The following ZCCHC7 variants were observed in gnomAD, a reference collection of about 807,000 sequenced individuals.
ZCCHC7 encodes the protein zinc finger CCHC-type containing 7.
ZCCHC7 carries 35 observed loss-of-function variants against 52.0 expected under a neutral mutation model. The observed-to-expected ratio is 0.67, with a 90% CI of 0.51 to 0.89. ZCCHC7 has a LOEUF of 0.89. Ranked by LOEUF, ZCCHC7 falls within the 40% of genes least tolerant of loss-of-function variation. The pLI is 0.00. For missense variants in ZCCHC7, 574 were observed against 649.1 expected (o/e 0.88, Z 1.26); for synonymous variants, 217 against 221.5 (o/e 0.98, Z 0.18).
At chr9:37,240,708 A>C (rs1465747643) in intron 2 of ZCCHC7, among the ~76,000 whole-genome samples, 3 of 151,974 alleles carry the variant, frequency 2.0e-5, no homozygotes, top group Non-Finnish European at 4.4e-5. Context: ...GAAAAGAAGC[A>C]GCAGGAGTAG....
chr9:37,227,205 G>GA (rs567614705), intron 2 of ZCCHC7, among the ~76,000 whole-genome samples: 97 of 152,124 alleles, frequency 6.4e-4, no homozygotes, highest in African/African-American at 1.8e-3. Context: ...CACAGACCTG[G>GA]AAAAAATATT....
At chr9:37,352,059 A>G (rs1474986046) in intron 7 of ZCCHC7, among the ~76,000 whole-genome samples, 1 of 152,240 alleles carries the variant, frequency 6.6e-6, no homozygotes, top group Non-Finnish European at 1.5e-5. Flanking sequence ...ATAGCCAACT[A>G]TCAATTGTCT....
intron 2 of ZCCHC7, among the ~76,000 whole-genome samples, chr9:37,214,623 A>G (rs1283397997): frequency 6.6e-6 from 1 of 152,028 alleles, no homozygotes; most frequent in African/African-American, 2.4e-5. Flanking sequence ...TACTTATTTT[A>G]TTTTAATTCT....
chr9:37,139,637 C>T (rs760598099), intron 2 of ZCCHC7, among the ~76,000 whole-genome samples: 33 of 151,926 alleles, frequency 2.2e-4, no homozygotes, highest in Non-Finnish European at 3.8e-4. Context: ...TTCTTAATCT[C>T]GTGTTTTGCA....
intron 2 of ZCCHC7, among the ~76,000 whole-genome samples, chr9:37,131,613 C>T (rs1479002475): frequency 6.6e-6 from 1 of 151,768 alleles, no homozygotes; most frequent in Non-Finnish European, 1.5e-5. Context: ...CAACTGCACT[C>T]AAGCCTAGGC....
intron 2 of ZCCHC7, among the ~76,000 whole-genome samples, chr9:37,235,874 C>T (rs1825627678): frequency 6.6e-6 from 1 of 151,850 alleles, no homozygotes; most frequent in Non-Finnish European, 1.5e-5. Flanking sequence ...AGGTGTGAGC[C>T]ACCGCACCTG....
At chr9:37,155,641 A>G (rs1820776523) in intron 2 of ZCCHC7, among the ~76,000 whole-genome samples, 1 of 152,242 alleles carries the variant, frequency 6.6e-6, no homozygotes, top group African/African-American at 2.4e-5. Flanking sequence ...GTTCTGAGAA[A>G]TTGAATCTTA....
At chr9:37,343,912 G>A (rs774121749) in intron 6 of ZCCHC7, among the ~76,000 whole-genome samples, 1 of 152,156 alleles carries the variant, frequency 6.6e-6, no homozygotes, top group Non-Finnish European at 1.5e-5. Context: ...ACTAATATGT[G>A]TGCCTGTGTT....
chr9:37,279,235 T>C (rs2133557078), intron 2 of ZCCHC7, among the ~76,000 whole-genome samples: 1 of 152,140 alleles, frequency 6.6e-6, no homozygotes, highest in East Asian at 1.9e-4. Flanking sequence ...CATTGGGTGA[T>C]TTATATGTAG....
At chr9:37,143,700 ACAAAATTTTGT>A (rs1269417904) in intron 2 of ZCCHC7, among the ~76,000 whole-genome samples, 3 of 151,708 alleles carry the variant, frequency 2.0e-5, no homozygotes, top group African/African-American at 7.3e-5. Flanking sequence ...GACAGATTTC[ACAAAATTTTGT>A]TATGATAAAT....
intron 6 of ZCCHC7, among the ~76,000 whole-genome samples, chr9:37,328,622 T>TCAA (rs1027925110): frequency 9.2e-5 from 14 of 151,944 alleles, no homozygotes; most frequent in African/African-American, 3.4e-4. Context: ...AATTAAAAGT[T>TCAA]GTTAAACATT....
At chr9:37,244,875 A>G (rs1294633185) in intron 2 of ZCCHC7, among the ~76,000 whole-genome samples, 1 of 151,804 alleles carries the variant, frequency 6.6e-6, no homozygotes, top group East Asian at 1.9e-4. Flanking sequence ...TATAATAGCT[A>G]ATTTCCCCAT....
intron 2 of ZCCHC7, among the ~76,000 whole-genome samples, chr9:37,184,246 C>T (rs1489016998): frequency 6.6e-6 from 1 of 152,168 alleles, no homozygotes; most frequent in Non-Finnish European, 1.5e-5. Context: ...ATGTTGTTAA[C>T]TGAATCGATA....
chr9:37,145,777 C>T (rs1316420119), intron 2 of ZCCHC7, among the ~76,000 whole-genome samples: 1 of 151,866 alleles, frequency 6.6e-6, no homozygotes, highest in African/African-American at 2.4e-5. Flanking sequence ...TAATATTCCT[C>T]GTTTAATAGA....
At chr9:37,290,030 A>T (rs1229421741) in intron 2 of ZCCHC7, among the ~76,000 whole-genome samples, 2 of 152,098 alleles carry the variant, frequency 1.3e-5, no homozygotes, top group Non-Finnish European at 2.9e-5. Context: ...ACCCTGCTCT[A>T]CTTTTTCTTT....
At chr9:37,193,066 A>G (rs1184941266) in intron 2 of ZCCHC7, among the ~76,000 whole-genome samples, 1 of 152,232 alleles carries the variant, frequency 6.6e-6, no homozygotes. Context: ...AACCTCAAAT[A>G]GAAATGAAAG....
chr9:37,127,716 C>T (rs1842604438), intron 2 of ZCCHC7, among the ~76,000 whole-genome samples: 1 of 152,174 alleles, frequency 6.6e-6, no homozygotes. Context: ...TTGAAATGCT[C>T]TTTTACTCAT....
intron 5 of ZCCHC7, among the ~76,000 whole-genome samples, chr9:37,306,816 C>G (rs1332485943): frequency 3.3e-5 from 3 of 89,656 alleles, no homozygotes; most frequent in Non-Finnish European, 6.2e-5. Context: ...GAGACAGGGT[C>G]TCGCTCTGTC....
intron 2 of ZCCHC7, among the ~76,000 whole-genome samples, chr9:37,301,659 A>C (rs1197864747): frequency 1.3e-5 from 2 of 152,190 alleles, no homozygotes; most frequent in Admixed American, 1.3e-4. Context: ...TAGCTTAGGG[A>C]GTCAAAGGAC....
Sources: allele counts gnomAD v4.1 joint callset (sites outside exome capture counted in the v4.1 genomes callset), GRCh38; gene constraint gnomAD v4.1.1; transcripts MANE v1.5; gene names NCBI Gene and HGNC (gene_info 2026-07-23, HGNC 2026-07-21).